Variants in FAM171B observed in about 807,000 individuals in gnomAD.
FAM171B encodes the protein protein FAM171B.
FAM171B carries 19 observed loss-of-function variants against 75.6 expected under a neutral mutation model. The observed-to-expected ratio is 0.25, with a 90% CI of 0.18 to 0.37. The LOEUF is 0.37. Ranked by LOEUF, FAM171B falls within the 10% of genes least tolerant of loss-of-function variation. The pLI is 1.00. For synonymous variants in FAM171B, 367 were observed against 361.7 expected (o/e 1.01, Z -0.17); for missense variants, 848 against 982.4 (o/e 0.86, Z 1.83).
chr2:186,763,726 TAAAA>T lies in FAM171B; in HGVS notation c.*909_*912del, dbSNP rs773413006. The T allele has an allele frequency of 2.6e-5, 4 of 151,124 alleles. No homozygotes were observed. The highest frequency in any genetic ancestry group is 1.5e-5 in the Non-Finnish European group (1 of 67,654). The allele number at this position is 151,124 out of a possible 1,614,324, so 9.4% of individuals were successfully genotyped here. ...TCAGTCACTTAAAGGCTATGAAATTTAAAAAAAAAGTCGATGTGAAAGTTTCTTT... is the reference window on the plus strand; with the variant it reads ...TCAGTCACTTAAAGGCTATGAAATTTAAAAAGTCGATGTGAAAGTTTCTTT... On this transcript the variant is annotated 3_prime_UTR_variant, in exon 8 of 8. Coordinates refer to ENST00000304698, the MANE Select transcript of FAM171B (RefSeq NM_177454.4).
At chr2:186,702,932 T>A (rs1357798006) in intron 1 of FAM171B, among the ~76,000 whole-genome samples, 1 of 152,166 alleles carries the variant, frequency 6.6e-6, no homozygotes, top group Admixed American at 6.5e-5. Flanking sequence ...CAGATTTCTA[T>A]ATCATCATAA....
intron 1 of FAM171B, among the ~76,000 whole-genome samples, chr2:186,718,210 T>A (rs1246881362): frequency 6.6e-6 from 1 of 152,114 alleles, no homozygotes; most frequent in East Asian, 1.9e-4. Flanking sequence ...TCTAAGGCCA[T>A]TTTACAAATT....
At position 186,702,407 on chromosome 2, in the gene FAM171B, A is replaced by C. The variant is rs953464019; in HGVS notation, c.238+7996A>C. On this transcript the variant is annotated intron_variant, in intron 1 of 7. Coordinates refer to ENST00000304698, the MANE Select transcript of FAM171B (RefSeq NM_177454.4). ...TCTGTTGACCAAAACATTAATTGCT[A>C]TATAACTGTGTGAGCGTAAGAAAAC... is the stretch of plus-strand genomic sequence containing the variant. 4.9e-4 allele frequency among the ~76,000 whole-genome samples: 74 copies of C among 152,220 alleles called. 1 individual carries two copies. Among genetic ancestry groups the C allele is most frequent in the African/African-American group, 1.8e-3 (73 of 41,460 alleles).
chr2:186,749,510 T>A (rs1690419602), intron 4 of FAM171B, among the ~76,000 whole-genome samples: 1 of 152,234 alleles, frequency 6.6e-6, no homozygotes, highest in African/African-American at 2.4e-5. Context: ...AAAATATGTA[T>A]GGCACTGCTT....
intron 1 of FAM171B, among the ~76,000 whole-genome samples, chr2:186,700,786 G>A (rs188253034): frequency 3.9e-5 from 6 of 152,242 alleles, no homozygotes; most frequent in Non-Finnish European, 8.8e-5. Context: ...CACTTTTGCG[G>A]TGAAAAATGT....
At chr2:186,705,908 G>A (rs1689727736) in intron 1 of FAM171B, among the ~76,000 whole-genome samples, 4 of 152,152 alleles carry the variant, frequency 2.6e-5, no homozygotes, top group Admixed American at 2.6e-4. Flanking sequence ...ACTTGAAATT[G>A]ATTCATATCT....
At chr2:186,737,973 C>G (rs1306105498) in intron 1 of FAM171B, among the ~76,000 whole-genome samples, 1 of 152,224 alleles carries the variant, frequency 6.6e-6, no homozygotes, top group Non-Finnish European at 1.5e-5. Flanking sequence ...CGCTGTGGCT[C>G]CACGCTCAGC....
At chr2:186,757,283 A>G (rs558521480) in intron 6 of FAM171B, among the ~76,000 whole-genome samples, 1 of 152,248 alleles carries the variant, frequency 6.6e-6, no homozygotes, top group Admixed American at 6.5e-5. Context: ...TAGGAGCTCT[A>G]TGTTAGGAAA....
At chr2:186,757,715 T>G (rs138251514) in intron 6 of FAM171B, among the ~76,000 whole-genome samples, 64 of 152,300 alleles carry the variant, frequency 4.2e-4, no homozygotes, top group African/African-American at 1.3e-3. Context: ...CTTTTCTACC[T>G]AACTCCTTCT....
At chr2:186,761,447 T>C in intron 7 of FAM171B, 32 bp from the exon 8 acceptor site, 1 of 1,527,218 alleles carries the variant, frequency 6.5e-7, no homozygotes, top group Non-Finnish European at 8.7e-7. Context: ...GTCATAACTT[T>C]TAAATATTTT....
At chr2:186,746,744 T>C (rs974534753) in intron 3 of FAM171B, among the ~76,000 whole-genome samples, 3 of 152,222 alleles carry the variant, frequency 2.0e-5, no homozygotes, top group Non-Finnish European at 4.4e-5. Context: ...GAGATGCTTT[T>C]AATTGGTTTC....
intron 6 of FAM171B, among the ~76,000 whole-genome samples, chr2:186,757,363 G>A (rs1690547903): frequency 1.3e-5 from 2 of 152,150 alleles, no homozygotes; most frequent in East Asian, 1.9e-4. Flanking sequence ...AATTCCAAGT[G>A]TTTTAGAAGC....
At chr2:186,739,126 C>T (rs1187910649) in intron 1 of FAM171B, among the ~76,000 whole-genome samples, 1 of 152,046 alleles carries the variant, frequency 6.6e-6, no homozygotes, top group Non-Finnish European at 1.5e-5. Context: ...ACAGAAAGAC[C>T]ATACAAAAGA....
chr2:186,734,998 T>C (rs1333635646), intron 1 of FAM171B, among the ~76,000 whole-genome samples: 32 of 152,324 alleles, frequency 2.1e-4, no homozygotes. Context: ...GGGAGCTTCC[T>C]GGGCCCCTGA....
At chr2:186,695,233 G>A (rs1689562263) in intron 1 of FAM171B, 2 of 152,076 alleles carry the variant, frequency 1.3e-5, no homozygotes, top group South Asian at 4.2e-4. Flanking sequence ...TAGTATAGGT[G>A]GCTGTAACAG....
rs76794581 is a variant in FAM171B, at chr2:186,739,404, A to T, written c.239-824A>T. The stretch of plus-strand genomic sequence containing the variant: ...TTTTGATTCTTTTGTAATAACACTT[A>T]GCTTAAAAGAAACACATTGTACAAC... On this transcript the variant is annotated intron_variant, in intron 1 of 7. Coordinates refer to ENST00000304698, the MANE Select transcript of FAM171B (RefSeq NM_177454.4). Among the ~76,000 whole-genome samples the T allele has an allele frequency of 8.9e-3, 1,348 of 152,310 alleles. 26 individuals are homozygous for T. Among genetic ancestry groups the T allele is most frequent in the African/African-American group, 0.031 (1,281 of 41,578 alleles).
chr2:186,702,005 T>C lies in FAM171B; in HGVS notation c.238+7594T>C, dbSNP rs112803328. 7.5e-3 allele frequency among the ~76,000 whole-genome samples: 1,136 copies of C among 152,354 alleles called. 18 individuals are homozygous for C. The highest frequency in any genetic ancestry group is 0.026 in the African/African-American group (1,082 of 41,568). On this transcript the variant is annotated intron_variant, in intron 1 of 7. Coordinates refer to ENST00000304698, the MANE Select transcript of FAM171B (RefSeq NM_177454.4). ...GGAAATGGATACACTATTTTGTATG[T>C]GCTATTGGTAAAGTTTGCTTTGAAA... is the stretch of plus-strand genomic sequence containing the variant.
Position 186,764,272 on chromosome 2 carries a change from C to G in FAM171B, c.*1449C>G, listed in dbSNP as rs982575654. ...AAACCATGTAAACAAGTTCAGTGAACCAAAACAGCCACATTAGCTTCAGTA... is the reference window on the plus strand; with the variant it reads ...AAACCATGTAAACAAGTTCAGTGAAGCAAAACAGCCACATTAGCTTCAGTA... On this transcript the variant is annotated 3_prime_UTR_variant, in exon 8 of 8. Coordinates refer to ENST00000304698, the MANE Select transcript of FAM171B (RefSeq NM_177454.4). The G allele has an allele frequency of 6.6e-6, 1 of 151,944 alleles. No homozygotes were observed. The highest frequency in any genetic ancestry group is 1.5e-5 in the Non-Finnish European group (1 of 67,922). The allele number at this position is 151,944 out of a possible 1,614,324, so 9.4% of individuals were successfully genotyped here.
At chr2:186,752,159 AGTT>A (rs1690465380) in intron 5 of FAM171B, among the ~76,000 whole-genome samples, 1 of 152,162 alleles carries the variant, frequency 6.6e-6, no homozygotes, top group Non-Finnish European at 1.5e-5. Flanking sequence ...GACTCACTGT[AGTT>A]GTAGAGTGGA....
Sources: allele counts gnomAD v4.1 joint callset (sites outside exome capture counted in the v4.1 genomes callset), GRCh38; gene constraint gnomAD v4.1.1; transcripts MANE v1.5; gene names NCBI Gene and HGNC (gene_info 2026-07-23, HGNC 2026-07-21).